Variants in SORCS2 observed in about 807,000 individuals in gnomAD.
SORCS2 encodes the protein sortilin related VPS10 domain containing receptor 2.
A neutral mutation model predicts 141.6 loss-of-function variants in SORCS2; 100 were observed. The observed-to-expected ratio is 0.71, with a 90% CI of 0.60 to 0.83. The LOEUF (loss-of-function observed/expected upper bound fraction) is 0.83, where lower values mean the gene tolerates loss of function less well. SORCS2 is among the 40% of genes least tolerant of loss of function. The probability of loss-of-function intolerance (pLI) is 0.00; values close to 1 mark genes in which losing one functional copy is unlikely to be tolerated. For missense variants in SORCS2, 1,646 were observed against 1,560.2 expected (o/e 1.05, Z -0.93); for synonymous variants, 789 against 676.9 (o/e 1.17, Z -2.57).
chr4:7,256,921 C>A lies in SORCS2; in HGVS notation c.480+63795C>A, dbSNP rs181774153. ...GGCAGAGTGTGGGCACCGGCCCCAG[C>A]CACCCATTCCTAGCATCCTTTGGAT... On this transcript the variant is annotated intron_variant, in intron 1 of 26. Coordinates refer to ENST00000507866, the MANE Select transcript of SORCS2 (RefSeq NM_020777.3). Among the ~76,000 whole-genome samples, 538 of 152,162 alleles carry A rather than the reference C, an allele frequency of 3.5e-3. 2 individuals are homozygous for A. Among genetic ancestry groups the A allele is most frequent in the African/African-American group, 0.012 (518 of 41,480 alleles).
At chr4:7,208,103 C>T (rs1727849143) in intron 1 of SORCS2, among the ~76,000 whole-genome samples, 2 of 152,142 alleles carry the variant, frequency 1.3e-5, no homozygotes, top group Non-Finnish European at 1.5e-5. Context: ...CAGCTGGGGC[C>T]CACCTTCCTG....
intron 3 of SORCS2, among the ~76,000 whole-genome samples, chr4:7,585,823 A>C (rs1204375067): frequency 6.6e-6 from 1 of 152,166 alleles, no homozygotes; most frequent in Admixed American, 6.5e-5. Context: ...TATTGACTCC[A>C]TCCCTGTTGA....
intron 1 of SORCS2, among the ~76,000 whole-genome samples, chr4:7,205,814 G>A (rs1477668981): frequency 6.6e-6 from 1 of 152,202 alleles, no homozygotes; most frequent in African/African-American, 2.4e-5. Context: ...AGGCAGAGGC[G>A]GGTGGATCAC....
intron 9 of SORCS2, among the ~76,000 whole-genome samples, chr4:7,679,441 G>A (rs1243034862): frequency 3.3e-5 from 5 of 152,196 alleles, no homozygotes; most frequent in African/African-American, 7.2e-5. Context: ...TTTTTGCAGC[G>A]TCATGAAGTG....
At chr4:7,262,315 TATCCATCCATCCATCCATCTATCCATCC>T (rs1560148375) in intron 1 of SORCS2, among the ~76,000 whole-genome samples, 1 of 131,298 alleles carries the variant, frequency 7.6e-6, no homozygotes, top group African/African-American at 2.9e-5. Context: ...TCCAACCACC[TATCCATCCATCCATCCATCTATCCATCC>T]ATCCATCCAT....
intron 2 of SORCS2, among the ~76,000 whole-genome samples, chr4:7,494,936 C>A (rs1731523501): frequency 6.6e-6 from 1 of 152,226 alleles, no homozygotes. Flanking sequence ...GCCTGTTTCC[C>A]TGGGCTTGGA....
At position 7,506,173 on chromosome 4, in the gene SORCS2, G is replaced by T. The variant is rs189569407; in HGVS notation, c.549-25357G>T. On this transcript the variant is annotated intron_variant, in intron 2 of 26. Transcript: ENST00000507866. ...CTGACAGCCACAGCGTCCTGTGTGC[G>T]AGAGTCCCAGTGAACAGCGCGTGAG... is the stretch of plus-strand genomic sequence containing the variant. Among the ~76,000 whole-genome samples the T allele has an allele frequency of 2.9e-3, 436 of 152,228 alleles. 5 individuals carry two copies. Among genetic ancestry groups the T allele is most frequent in the African/African-American group, 9.1e-3 (380 of 41,538 alleles).
At chr4:7,214,950 G>A (rs189195272) in intron 1 of SORCS2, among the ~76,000 whole-genome samples, 1 of 152,134 alleles carries the variant, frequency 6.6e-6, no homozygotes, top group East Asian at 1.9e-4. Flanking sequence ...TAGAAAGTGA[G>A]AGGTGACAGC....
intron 2 of SORCS2, among the ~76,000 whole-genome samples, chr4:7,463,100 G>A (rs1032559298): frequency 3.9e-5 from 6 of 152,074 alleles, no homozygotes; most frequent in African/African-American, 1.4e-4. Context: ...TACAGGTGAG[G>A]AAACTGAGTC....
At chr4:7,485,768 C>G (rs1221608584) in intron 2 of SORCS2, among the ~76,000 whole-genome samples, 1 of 152,082 alleles carries the variant, frequency 6.6e-6, no homozygotes, top group African/African-American at 2.4e-5. Context: ...CACTGTGGGC[C>G]CAGGGGAGCC....
chr4:7,387,950 A>T (rs898384413), intron 1 of SORCS2, among the ~76,000 whole-genome samples: 7 of 140,806 alleles, frequency 5.0e-5, no homozygotes, highest in Non-Finnish European at 9.1e-5. Flanking sequence ...ACACATACAC[A>T]CATGCACACA....
intron 2 of SORCS2, chr4:7,434,735 A>C: frequency 6.2e-7 from 1 of 1,613,070 alleles, no homozygotes; most frequent in Non-Finnish European, 8.5e-7. Flanking sequence ...GCCCCTTGGC[A>C]GTACCCCACA....
At position 7,464,953 on chromosome 4, in the gene SORCS2, G is replaced by A. The variant is rs574683940; in HGVS notation, c.549-66577G>A. ...AGCCCGGCCTCCACGGCGGCTCCTC[G>A]CTGCAGCCTGAGGCCACGTGGTGTC... is the stretch of plus-strand genomic sequence containing the variant. On this transcript the variant is annotated intron_variant, in intron 2 of 26. Coordinates refer to ENST00000507866, the MANE Select transcript of SORCS2 (RefSeq NM_020777.3). 5.4e-3 allele frequency among the ~76,000 whole-genome samples: 823 copies of A among 152,340 alleles called. 10 individuals carry two copies. The highest frequency in any genetic ancestry group is 0.019 in the African/African-American group (786 of 41,576).
chr4:7,276,676 G>C (rs1715521294), intron 1 of SORCS2, among the ~76,000 whole-genome samples: 1 of 152,166 alleles, frequency 6.6e-6, no homozygotes, highest in Non-Finnish European at 1.5e-5. Context: ...CTGCTTGGGA[G>C]CTTCCAGCCC....
intron 1 of SORCS2, among the ~76,000 whole-genome samples, chr4:7,248,888 T>C (rs1054455285): frequency 6.6e-6 from 1 of 152,122 alleles, no homozygotes; most frequent in Non-Finnish European, 1.5e-5. Flanking sequence ...CCTGAGAGCT[T>C]GTGTCTGGCA....
intron 1 of SORCS2, among the ~76,000 whole-genome samples, chr4:7,313,828 G>A (rs1448050221): frequency 6.6e-6 from 1 of 152,150 alleles, no homozygotes; most frequent in African/African-American, 2.4e-5. Context: ...TCAAATCCCA[G>A]CCTCTGTGAC....
intron 2 of SORCS2, among the ~76,000 whole-genome samples, chr4:7,463,609 G>A (rs1729440252): frequency 6.6e-6 from 1 of 152,184 alleles, no homozygotes; most frequent in African/African-American, 2.4e-5. Context: ...AACGCTGGAG[G>A]CTGGCAAAGC....
intron 17 of SORCS2, among the ~76,000 whole-genome samples, chr4:7,717,297 G>C (rs1726255911): frequency 6.6e-6 from 1 of 152,104 alleles, no homozygotes; most frequent in Non-Finnish European, 1.5e-5. Context: ...CCTTTGTCAG[G>C]GTCCAGGTCC....
At position 7,721,230 on chromosome 4, in the gene SORCS2, C is replaced by T. The variant is rs146859893; in HGVS notation, c.2425-2467C>T. Among the ~76,000 whole-genome samples, 790 of 152,190 alleles carry T rather than the reference C, an allele frequency of 5.2e-3. 2 individuals carry two copies. Among genetic ancestry groups the T allele is most frequent in the Non-Finnish European group, 8.7e-3 (590 of 67,998 alleles). ...CTGTGATCCCAGCAGTTTGGGAGGC[C>T]GAGGTGGGTGGATCAGCTGAGGTCG... On this transcript the variant is annotated intron_variant, in intron 18 of 26. Coordinates refer to ENST00000507866, the MANE Select transcript of SORCS2 (RefSeq NM_020777.3).
Sources: gnomAD v4.1 joint callset for allele counts (sites outside exome capture counted in the v4.1 genomes callset) on GRCh38, gnomAD v4.1.1 for gene constraint, MANE v1.5 for transcripts, NCBI Gene and HGNC (gene_info 2026-07-23, HGNC 2026-07-21) for gene names.